Variants in SON observed in about 807,000 individuals in gnomAD.
SON encodes protein SON.
A neutral mutation model predicts 173.3 loss-of-function variants in SON; 4 were observed. The observed-to-expected ratio is 0.02, with a 90% CI of 0.01 to 0.05. SON has a LOEUF of 0.05. Among genes scored for constraint, SON ranks in the 10% least tolerant of loss-of-function variants. The pLI is 1.00. For missense variants in SON, 2,626 were observed against 3,055.3 expected (o/e 0.86, Z 3.31); for synonymous variants, 1,190 against 1,105.9 (o/e 1.08, Z -1.51).
chr21:33,552,022 G>A lies in SON; in HGVS notation c.2791G>A (p.Gly931Ser). ...GTTAGCTCAGGATCCCTATAGGTTGGGCCATGACCCCTATAGATTAGGTCA... is the reference window on the plus strand; with the variant it reads ...GTTAGCTCAGGATCCCTATAGGTTGAGCCATGACCCCTATAGATTAGGTCA... ...YRLAQDPYRL[G>S]HDPYRLGHDA... Residue 931 changes from glycine (G) to serine (S), a missense_variant, in exon 3 of 12, where the codon GGC becomes AGC. Physicochemically the swap from Gly to Ser is moderately conservative, Grantham distance 56. Around this residue, in one of 13 missense-constraint regions of SON, gnomAD observed 366 missense variants for 448.6 expected, o/e 0.82. Coordinates refer to ENST00000356577, the MANE Select transcript of SON (RefSeq NM_138927.4). The surrounding 1 kb of genome is among the most constrained non-coding windows in gnomAD (Gnocchi z 5.6). 1.9e-6 allele frequency: 3 copies of A among 1,614,036 alleles called. No individual in the cohort carries two copies. Among genetic ancestry groups the A allele is most frequent in the Non-Finnish European group, 2.5e-6 (3 of 1,179,976 alleles).
rs550020929 is a variant in SON, at chr21:33,575,181, G to A, written c.7034-415G>A. Among the ~76,000 whole-genome samples the A allele has an allele frequency of 4.0e-5, 6 of 151,732 alleles. No homozygotes were observed. The East Asian group carries it at 5.8e-4, about 15-fold the overall frequency. On this transcript the variant is annotated intron_variant, in intron 9 of 11. Coordinates refer to ENST00000356577, the MANE Select transcript of SON (RefSeq NM_138927.4). Reference sequence around the variant, plus strand: ...CTCCCGAGTAGCTGGGATTACAGGCGCGCACCACCACGCCCGGCTAATTTT... The same window carrying A: ...CTCCCGAGTAGCTGGGATTACAGGCACGCACCACCACGCCCGGCTAATTTT...
chr21:33,560,125 G>A (rs2086043947), intron 6 of SON: 2 of 1,611,318 alleles, frequency 1.2e-6, no homozygotes, highest in Non-Finnish European at 1.7e-6. Flanking sequence ...CTAGATTTTG[G>A]TGGTAGCAAA....
intron 9 of SON, 144 bp from the exon 10 acceptor site, chr21:33,575,452 G>C: frequency 3.9e-6 from 2 of 511,172 alleles, no homozygotes; most frequent in Admixed American, 3.6e-5. Flanking sequence ...AGAAGAAAGA[G>C]AAGATTGATA....
intron 3 of SON, among the ~76,000 whole-genome samples, chr21:33,556,475 G>C (rs977904499): frequency 3.9e-5 from 6 of 152,158 alleles, no homozygotes; most frequent in Non-Finnish European, 5.9e-5. Flanking sequence ...CACTTTGGGA[G>C]GCCGAGGCAG....
chr21:33,543,144 C>G lies in SON; in HGVS notation c.52C>G (p.Arg18Gly). 1 of 1,614,202 alleles carries G rather than the reference C, an allele frequency of 6.2e-7. No homozygotes were observed. The part of the protein sequence containing the change: ...IFRSFVVSKF[R>G]EIQQELSSGR... ...TAGGTCTTTCGTGGTCAGTAAATTC[C>G]GGGAAATTCAACAGGAGCTTTCCAG... The change falls in exon 1 of 12, where the codon CGG becomes GGG. Residue 18 changes from arginine to glycine, a missense_variant. By Grantham distance (125) the Arg-to-Gly change is moderately radical. Around this residue, in one of 13 missense-constraint regions of SON, gnomAD observed 757 missense variants for 730.1 expected, o/e 1.04. Coordinates refer to ENST00000356577, the MANE Select transcript of SON (RefSeq NM_138927.4).
At position 33,554,675 on chromosome 21, in the gene SON, A is replaced by C. The variant is rs1447262490; in HGVS notation, c.5444A>C (p.Glu1815Ala). ...KNKNRDKGEK[E>A]KKRDSSLRSR... ...AAGAACCGTGATAAGGGGGAGAAAG[A>C]GAAGAAAAGAGACTCTTCATTAAGA... Residue 1815 changes from glutamate (E) to alanine (A), a missense_variant, in exon 3 of 12, where the codon GAG (glutamate) becomes GCG (alanine). By Grantham distance (107) the Glu-to-Ala change is moderately radical (BLOSUM62 -1). Around this residue, in one of 13 missense-constraint regions of SON, gnomAD observed 1,006 missense variants for 895.6 expected, o/e 1.12. Transcript: ENST00000356577. 6.2e-7 allele frequency: 1 copy of C among 1,613,902 alleles called. No homozygotes were observed. Among genetic ancestry groups the C allele is most frequent in the African/African-American group, 1.3e-5 (1 of 75,028 alleles).
rs780067115 is a variant in SON at position 33,550,468 on chromosome 21, G to A, written c.1237G>A (p.Val413Met). 6.2e-7 allele frequency: 1 copy of A among 1,613,988 alleles called. No homozygotes were observed. Among genetic ancestry groups the A allele is most frequent in the Admixed American group, 1.7e-5 (1 of 60,020 alleles). Residue 413 changes from valine (V) to methionine (M), a missense_variant, in exon 3 of 12, where the codon GTG (valine) becomes ATG (methionine). Val to Met is a conservative substitution (Grantham distance 21, BLOSUM62 1). Transcript: ENST00000356577. ...GTTACCTGGGCCCTCTGCTACCCCGGTGCCAGAGTTGCCAGGGCCCCTTTC... is the reference window on the plus strand; with the variant it reads ...GTTACCTGGGCCCTCTGCTACCCCGATGCCAGAGTTGCCAGGGCCCCTTTC... ...LELPGPSATP[V>M]PELPGPLSTP...
rs565867297 is a variant in SON, at chr21:33,567,357, C to T, written c.6768+90C>T. The stretch of plus-strand genomic sequence containing the variant: ...TTTTAATGTCTAAATAAGAATTTTG[C>T]TAACTAGATGGTTGAGTTGTAACAT... On this transcript the variant is annotated intron_variant, in intron 7 of 11. Coordinates refer to ENST00000356577, the MANE Select transcript of SON (RefSeq NM_138927.4). 797 of 749,248 alleles carry T rather than the reference C, an allele frequency of 1.1e-3. 1 individual carries two copies. Among genetic ancestry groups the T allele is most frequent in the Middle Eastern group, 4.2e-3 (18 of 4,326 alleles). 46.4% of individuals were successfully genotyped at this position (749,248 alleles called of 1,614,324 possible).
chr21:33,554,659 G>A lies in SON; in HGVS notation c.5428G>A (p.Asp1810Asn). 6.2e-7 allele frequency: 1 copy of A among 1,613,788 alleles called. No individual in the cohort carries two copies. Among genetic ancestry groups the A allele is most frequent in the South Asian group, 1.1e-5 (1 of 91,018 alleles). Residue 1810 changes from aspartate to asparagine, a missense_variant, in exon 3 of 12, where the codon GAT (aspartate) becomes AAT (asparagine). Physicochemically the swap from Asp to Asn is conservative, Grantham distance 23 (BLOSUM62 1). Transcript: ENST00000356577. ...HEKSKKNKNR[D>N]KGEKEKKRDS... ...AAAAAGCAAGAAAAATAAGAACCGT[G>A]ATAAGGGGGAGAAAGAGAAGAAAAG... is the stretch of plus-strand genomic sequence containing the variant.
intron 3 of SON, among the ~76,000 whole-genome samples, chr21:33,556,711 C>CAA (rs375685900): frequency 5.8e-5 from 6 of 102,636 alleles, no homozygotes; most frequent in African/African-American, 7.4e-5. Context: ...GAGACTGTCT[C>CAA]AAAAAAAAAA....
At position 33,549,551 on chromosome 21, in the gene SON, A is replaced by T; in HGVS notation, c.320A>T (p.Lys107Met). ...CCTACTGATGAAATTCCCACTAAAA[A>T]GTCAAAGAAGCATAAAAAGCACAAA... ...TDPTDEIPTK[K>M]SKKHKKHKNK... Residue 107 changes from lysine to methionine, a missense_variant, in exon 3 of 12, where the codon AAG (lysine) becomes ATG (methionine). Lys to Met is a moderately conservative substitution (Grantham distance 95). Coordinates refer to ENST00000356577, the MANE Select transcript of SON (RefSeq NM_138927.4). The T allele has an allele frequency of 6.3e-7, 1 of 1,584,888 alleles. No individual in the cohort carries two copies. Among genetic ancestry groups the T allele is most frequent in the East Asian group, 2.2e-5 (1 of 44,744 alleles).
At chr21:33,547,499 T>G (rs544023025) in intron 2 of SON, among the ~76,000 whole-genome samples, 6 of 152,136 alleles carry the variant, frequency 3.9e-5, no homozygotes, top group Non-Finnish European at 8.8e-5. Context: ...GTTTGTAATA[T>G]GGTTGGTTTG....
rs1328276407 is a variant in SON at position 33,573,465 on chromosome 21, T to G, written c.7033+10T>G. ...AAGACAGACCGAAAAGGTAACAAGT[T>G]CTTTTTTGGAATGTTTATTAACGTC... On this transcript the variant is annotated intron_variant, in intron 9 of 11. Coordinates refer to ENST00000356577, the MANE Select transcript of SON (RefSeq NM_138927.4). 6.2e-7 allele frequency: 1 copy of G among 1,604,872 alleles called. No homozygotes were observed. The highest frequency in any genetic ancestry group is 8.5e-7 in the Non-Finnish European group (1 of 1,176,264).
intron 2 of SON, among the ~76,000 whole-genome samples, chr21:33,547,627 T>G (rs1177943958): frequency 2.1e-5 from 3 of 143,472 alleles, no homozygotes; most frequent in Non-Finnish European, 3.2e-5. Context: ...CATTTTGTAT[T>G]ATGAAACAAA....
At chr21:33,564,560 G>A (rs749280885) in intron 6 of SON, among the ~76,000 whole-genome samples, 3 of 151,886 alleles carry the variant, frequency 2.0e-5, no homozygotes, top group Non-Finnish European at 4.4e-5. Context: ...ATATGTTTTC[G>A]CATTAAAAAT....
In SON at chr21:33,554,867, A is replaced by T; in HGVS notation, c.5636A>T (p.Lys1879Met). Reference protein sequence around the residue: ...RRRRSSRSRSKSRGRRSVSKE... With the variant: ...RRRRSSRSRSMSRGRRSVSKE... Reference sequence around the variant, plus strand: ...AGGAGAAGCAGCAGATCAAGATCAAAGTCTAGAGGAAGAAGATCTGTATCA... The same window carrying T: ...AGGAGAAGCAGCAGATCAAGATCAATGTCTAGAGGAAGAAGATCTGTATCA... The change falls in exon 3 of 12, where the codon AAG becomes ATG. Residue 1879 changes from lysine (K) to methionine (M), a missense_variant. By Grantham distance (95) the Lys-to-Met change is moderately conservative. Around this residue, in one of 13 missense-constraint regions of SON, gnomAD observed 1,006 missense variants for 895.6 expected, o/e 1.12. Transcript: ENST00000356577. 1 of 1,614,156 alleles carries T rather than the reference A, an allele frequency of 6.2e-7. No homozygotes were observed. The highest frequency in any genetic ancestry group is 1.1e-5 in the South Asian group (1 of 91,088).
chr21:33,544,682 T>G (rs2085572316), intron 1 of SON, among the ~76,000 whole-genome samples: 1 of 152,238 alleles, frequency 6.6e-6, no homozygotes, highest in Admixed American at 6.5e-5. Context: ...AATCCCATTG[T>G]AGGAATATAC....
At position 33,576,807 on chromosome 21, in the gene SON, C is replaced by T. The variant is rs1437472983; in HGVS notation, c.*383C>T. The T allele has an allele frequency of 8.8e-6, 3 of 340,818 alleles. No homozygotes were observed. Among genetic ancestry groups the T allele is most frequent in the Admixed American group, 3.9e-5 (1 of 25,852 alleles). 21.1% of individuals were successfully genotyped at this position (340,818 alleles called of 1,614,324 possible). On this transcript the variant is annotated 3_prime_UTR_variant, in exon 12 of 12. Coordinates refer to ENST00000356577, the MANE Select transcript of SON (RefSeq NM_138927.4). Reference sequence around the variant, plus strand: ...TTTGTTTAAGTGGCTAACATCCAAACGACTGTTTGAAGGCATCAGAGTAAT... The same window carrying T: ...TTTGTTTAAGTGGCTAACATCCAAATGACTGTTTGAAGGCATCAGAGTAAT...
intron 6 of SON, among the ~76,000 whole-genome samples, chr21:33,563,150 T>C (rs1569063979): frequency 6.6e-6 from 1 of 152,182 alleles, no homozygotes; most frequent in Non-Finnish European, 1.5e-5. Context: ...GAATGTGTAA[T>C]ATACAGCCTT....
Sources: gnomAD v4.1 joint callset for allele counts (sites outside exome capture counted in the v4.1 genomes callset) on GRCh38, gnomAD v4.1.1 for gene constraint, gnomAD v4.1.1 regional missense constraint, Gnocchi (gnomAD v3.1) non-coding constraint, MANE v1.5 for transcripts, NCBI Gene and HGNC (gene_info 2026-07-23, HGNC 2026-07-21) for gene names.